SYN3: variants seen among roughly 807,000 people sequenced by gnomAD.
SYN3 encodes synapsin-3.
A neutral mutation model predicts 65.8 loss-of-function variants in SYN3; 35 were observed. That is an observed-to-expected ratio of 0.53 (90% confidence interval 0.41 to 0.70). The LOEUF (loss-of-function observed/expected upper bound fraction) is 0.70, where lower values mean the gene tolerates loss of function less well. Ranked by LOEUF, SYN3 falls within the 30% of genes least tolerant of loss-of-function variation. The probability of loss-of-function intolerance (pLI) is 0.00; values close to 1 mark genes in which losing one functional copy is unlikely to be tolerated. For synonymous variants in SYN3, 270 were observed against 292.9 expected (o/e 0.92, Z 0.80); for missense variants, 680 against 749.0 (o/e 0.91, Z 1.08).
intron 1 of SYN3, among the ~76,000 whole-genome samples, chr22:33,042,856 T>C (rs2053989410): frequency 6.6e-6 from 1 of 152,124 alleles, no homozygotes; most frequent in African/African-American, 2.4e-5. Flanking sequence ...TTAGCTAAAG[T>C]AGTGCTCCAT....
At chr22:32,652,808 G>A (rs1158061531) in intron 6 of SYN3, among the ~76,000 whole-genome samples, 5 of 152,232 alleles carry the variant, frequency 3.3e-5, no homozygotes, top group South Asian at 4.1e-4. Flanking sequence ...GATCAGAACC[G>A]AGAGGTCCTG....
intron 10 of SYN3, among the ~76,000 whole-genome samples, chr22:32,532,190 G>A (rs1370803259): frequency 6.6e-6 from 1 of 152,298 alleles, no homozygotes; most frequent in African/African-American, 2.4e-5. Flanking sequence ...GGCTCCTGGA[G>A]CAGCGGCTCA....
chr22:32,756,092 G>C (rs1043838856), intron 6 of SYN3, among the ~76,000 whole-genome samples: 2 of 152,176 alleles, frequency 1.3e-5, no homozygotes, highest in East Asian at 3.9e-4. Context: ...CTTGGGGAGG[G>C]ATAGCATTAG....
intron 1 of SYN3, among the ~76,000 whole-genome samples, chr22:33,014,792 C>T (rs1188430291): frequency 6.6e-6 from 1 of 152,038 alleles, no homozygotes; most frequent in East Asian, 2.0e-4. Flanking sequence ...AAAAAGCCAG[C>T]TTCGCAGTCG....
intron 6 of SYN3, among the ~76,000 whole-genome samples, chr22:32,754,809 T>A (rs2045245828): frequency 6.6e-6 from 1 of 152,238 alleles, no homozygotes; most frequent in African/African-American, 2.4e-5. Context: ...AGTCTCCAGA[T>A]TGAGAAATCA....
At chr22:32,741,653 C>T (rs1442633882) in intron 6 of SYN3, among the ~76,000 whole-genome samples, 1 of 152,052 alleles carries the variant, frequency 6.6e-6, no homozygotes, top group Non-Finnish European at 1.5e-5. Context: ...TCGTGCTTGC[C>T]CTCTAAAGCC....
chr22:32,881,079 A>T (rs2146416479), intron 4 of SYN3, among the ~76,000 whole-genome samples: 1 of 152,320 alleles, frequency 6.6e-6, no homozygotes, highest in East Asian at 1.9e-4. Context: ...CAGCCTGCTC[A>T]GCGCTGGGGC....
chr22:32,556,651 G>A (rs1366171988), intron 7 of SYN3, among the ~76,000 whole-genome samples: 1 of 152,040 alleles, frequency 6.6e-6, no homozygotes, highest in Non-Finnish European at 1.5e-5. Flanking sequence ...GTAAATAACA[G>A]AAGTCTCTGG....
chr22:33,048,385 A>C (rs1201652859), intron 1 of SYN3, among the ~76,000 whole-genome samples: 4 of 152,262 alleles, frequency 2.6e-5, no homozygotes, highest in Middle Eastern at 3.4e-3. Flanking sequence ...ATGGTGTGAA[A>C]ATCATGTGTA....
At chr22:32,704,522 G>C (rs1011405624) in intron 6 of SYN3, among the ~76,000 whole-genome samples, 1 of 152,152 alleles carries the variant, frequency 6.6e-6, no homozygotes, top group African/African-American at 2.4e-5. Flanking sequence ...GTGCTGCAAT[G>C]AACATATGCA....
chr22:32,892,012 C>T (rs906471553), intron 4 of SYN3, among the ~76,000 whole-genome samples: 7 of 148,042 alleles, frequency 4.7e-5, no homozygotes, highest in Non-Finnish European at 1.5e-5. Context: ...TAATAAAAAG[C>T]TGGCTGGGCG....
intron 12 of SYN3, among the ~76,000 whole-genome samples, chr22:32,518,986 T>C (rs1028050242): frequency 1.3e-5 from 2 of 152,170 alleles, no homozygotes; most frequent in East Asian, 1.9e-4. Flanking sequence ...AGGAGTGTCA[T>C]GTACCCAGGT....
At chr22:32,535,582 T>G (rs899289437) in intron 9 of SYN3, among the ~76,000 whole-genome samples, 1 of 152,192 alleles carries the variant, frequency 6.6e-6, no homozygotes, top group Non-Finnish European at 1.5e-5. Context: ...AGCTCTGCCC[T>G]GAGACACACT....
intron 7 of SYN3, among the ~76,000 whole-genome samples, chr22:32,573,911 G>C (rs1014864083): frequency 6.6e-6 from 1 of 150,740 alleles, no homozygotes; most frequent in Admixed American, 6.6e-5. Context: ...CTGGGATTAC[G>C]GGTGCCCGCT....
intron 2 of SYN3, among the ~76,000 whole-genome samples, chr22:32,988,307 A>AAATAACAAT (rs2052591111): frequency 7.0e-6 from 1 of 142,582 alleles, no homozygotes; most frequent in African/African-American, 2.6e-5. Flanking sequence ...CTCTGTCTCA[A>AAATAACAAT]AATAATAATA....
At chr22:32,879,023 C>T (rs935760782) in intron 4 of SYN3, among the ~76,000 whole-genome samples, 1 of 152,064 alleles carries the variant, frequency 6.6e-6, no homozygotes, top group African/African-American at 2.4e-5. Flanking sequence ...AATCACTATA[C>T]TGACTGGTTA....
At chr22:32,803,135 G>C (rs1015114343) in intron 6 of SYN3, among the ~76,000 whole-genome samples, 2 of 152,154 alleles carry the variant, frequency 1.3e-5, no homozygotes, top group Admixed American at 1.3e-4. Context: ...TGCAAGTCCA[G>C]TGGCTCTGCT....
intron 6 of SYN3, among the ~76,000 whole-genome samples, chr22:32,836,102 A>T (rs1183115678): frequency 6.6e-6 from 1 of 152,206 alleles, no homozygotes; most frequent in African/African-American, 2.4e-5. Context: ...ACTTCTGACA[A>T]GTTTCTTAAC....
At chr22:32,718,022 G>A (rs1569170113) in intron 6 of SYN3, among the ~76,000 whole-genome samples, 1 of 152,184 alleles carries the variant, frequency 6.6e-6, no homozygotes, top group Non-Finnish European at 1.5e-5. Flanking sequence ...GATTTAAGGC[G>A]ACTAGCTTGT....
Sources: gnomAD v4.1 joint callset for allele counts (sites outside exome capture counted in the v4.1 genomes callset) on GRCh38, gnomAD v4.1.1 for gene constraint, MANE v1.5 for transcripts, NCBI Gene and HGNC (gene_info 2026-07-23, HGNC 2026-07-21) for gene names.